S100A5: variants seen among roughly 807,000 people sequenced by gnomAD.
S100A5 encodes the protein S100 calcium binding protein A5.
A neutral mutation model predicts 6.7 loss-of-function variants in S100A5; 5 were observed. The observed-to-expected ratio is 0.75, with a 90% CI of 0.39 to 1.57. The LOEUF is 1.57. S100A5 is among the 40% of genes most tolerant of loss of function. S100A5 has a pLI of 0.03. For missense variants in S100A5, 129 were observed against 110.8 expected (o/e 1.16, Z -0.74); for synonymous variants, 49 against 44.9 (o/e 1.09, Z -0.37).
upstream of S100A5, chr1:153,541,238 C>T (rs1265551271): frequency 1.9e-6 from 1 of 527,838 alleles, no homozygotes; most frequent in African/African-American, 2.0e-5. Flanking sequence ...CAAGAAATTC[C>T]AAAGGCTCTG....
chr1:153,542,500 G>C (rs1451686184), upstream of S100A5, among the ~76,000 whole-genome samples: 1 of 152,202 alleles, frequency 6.6e-6, no homozygotes, highest in East Asian at 1.9e-4. Flanking sequence ...CCAAGTCTCT[G>C]TATTCAAACC....
At chr1:153,541,710 TA>T (rs1347227963), upstream of S100A5, 1 of 1,145,552 alleles carries the variant, frequency 8.7e-7, no homozygotes, top group Non-Finnish European at 1.1e-6. Context: ...GATGGAACAA[TA>T]AGCCGAAGAA....
At position 153,540,148 on chromosome 1, in the gene S100A5, G is replaced by A. The variant is rs536784065; in HGVS notation, c.44C>T (p.Thr15Met). 4.2e-5 allele frequency: 67 copies of A among 1,614,110 alleles called. 1 individual carries two copies. In the Admixed American group the frequency reaches 5.5e-4, roughly 13 times the overall value. Residue 15 changes from threonine (T) to methionine (M), a missense_variant, in exon 2 of 3, where the codon ACG becomes ATG. By Grantham distance (81) the Thr-to-Met change is moderately conservative (BLOSUM62 -1). Coordinates refer to ENST00000368717, the MANE Select transcript of S100A5 (RefSeq NM_001394232.1). ...CTCTCTCCCCGAATATTTGTGAAAC[G>A]TGGTCACCATAGTGGTCAGGGCCTT... Reference protein sequence around the residue: ...LEKALTTMVTTFHKYSGREGS... With the variant: ...LEKALTTMVTMFHKYSGREGS...
upstream of S100A5, among the ~76,000 whole-genome samples, chr1:153,541,183 A>G (rs1351191599): frequency 6.6e-6 from 1 of 152,178 alleles, no homozygotes; most frequent in Non-Finnish European, 1.5e-5. Context: ...CTGCAGGAGC[A>G]TCCTGGCTAG....
chr1:153,542,053 G>T (rs1665407692), upstream of S100A5, among the ~76,000 whole-genome samples: 1 of 152,248 alleles, frequency 6.6e-6, no homozygotes, highest in South Asian at 2.1e-4. Flanking sequence ...AATAGGGAAG[G>T]TGTCCAGCGA....
Position 153,540,874 on chromosome 1 carries a change from G to A in S100A5, c.-268C>T, listed in dbSNP as rs968490957. Among the ~76,000 whole-genome samples, 3 of 152,116 alleles carry A rather than the reference G, an allele frequency of 2.0e-5. No homozygotes were observed. The highest frequency in any genetic ancestry group is 7.2e-5 in the African/African-American group (3 of 41,398). ...TCCAAAACCTGGATCCAGAGGCTAC[G>A]CTTGAATAAGGGCCTGGATTCCAAT... On this transcript the variant is annotated 5_prime_UTR_variant, in exon 1 of 3. Transcript: ENST00000368717.
At chr1:153,542,622 C>A (rs903975865), upstream of S100A5, among the ~76,000 whole-genome samples, 1 of 152,148 alleles carries the variant, frequency 6.6e-6, no homozygotes, top group Non-Finnish European at 1.5e-5. Flanking sequence ...CAAAGCCCTC[C>A]AGCCTCTGCA....
At chr1:153,542,564 C>T (rs1316203758), upstream of S100A5, among the ~76,000 whole-genome samples, 1 of 152,132 alleles carries the variant, frequency 6.6e-6, no homozygotes, top group Non-Finnish European at 1.5e-5. Context: ...GAGAGAAAAG[C>T]CCCATGTGAT....
Position 153,540,048 on chromosome 1 carries a change from A to G in S100A5, c.138+6T>C. On this transcript the variant is annotated splice_donor_region_variant and intron_variant, in intron 2 of 2. Coordinates refer to ENST00000368717, the MANE Select transcript of S100A5 (RefSeq NM_001394232.1). ...TGGGGTGGAGGATGAGGGAACAATC[A>G]CCTACCTCCCCAAGACACAGCTCTT... The G allele has an allele frequency of 3.1e-6, 5 of 1,613,776 alleles. No homozygotes were observed. The highest frequency in any genetic ancestry group is 4.2e-6 in the Non-Finnish European group (5 of 1,179,842).
At position 153,537,425 on chromosome 1, in the gene S100A5, G is replaced by A; in HGVS notation, c.150C>T (p.Ser50=). The A allele has an allele frequency of 1.2e-6, 2 of 1,614,082 alleles. No individual in the cohort carries two copies. The highest frequency in any genetic ancestry group is 1.7e-6 in the Non-Finnish European group (2 of 1,179,976). The change falls in exon 3 of 3, where the codon AGC becomes AGT. Residue 50 remains serine (S), a synonymous_variant. Coordinates refer to ENST00000368717, the MANE Select transcript of S100A5 (RefSeq NM_001394232.1). ...GGCTCTTCATCAAGTCATCGATGCT[G>A]CTCTCCTTCATCTTTTGTGGACCCA... is the stretch of plus-strand genomic sequence containing the variant. The part of the protein sequence containing the change: ...KELCLGEMKE[S]SIDDLMKSLD...
At position 153,537,438 on chromosome 1, in the gene S100A5, T is replaced by C; in HGVS notation, c.139-2A>G. The C allele has an allele frequency of 1.9e-6, 3 of 1,614,014 alleles. No homozygotes were observed. The highest frequency in any genetic ancestry group is 2.5e-6 in the Non-Finnish European group (3 of 1,179,952). On this transcript the variant is annotated splice_acceptor_variant, in intron 2 of 2. Coordinates refer to ENST00000368717, the MANE Select transcript of S100A5 (RefSeq NM_001394232.1). LOFTEE classifies it high-confidence loss of function. The stretch of plus-strand genomic sequence containing the variant: ...GTCATCGATGCTGCTCTCCTTCATC[T>C]TTTGTGGACCCAGGTGGAGAGACAG...
At chr1:153,539,941 A>T in intron 2 of S100A5, 113 bp downstream of exon 2, 1 of 1,262,680 alleles carries the variant, frequency 7.9e-7, no homozygotes, top group Middle Eastern at 2.1e-4. Context: ...CTCTGTCTGT[A>T]GCCCTTGGCC....
At chr1:153,541,409 T>A, upstream of S100A5, 6 of 1,367,790 alleles carry the variant, frequency 4.4e-6, no homozygotes, top group Non-Finnish European at 5.9e-6. Flanking sequence ...GCCCAGAGAA[T>A]CCAAGCAGCA....
chr1:153,543,438 A>G (rs1665450772), upstream of S100A5, among the ~76,000 whole-genome samples: 1 of 152,044 alleles, frequency 6.6e-6, no homozygotes, highest in South Asian at 2.1e-4. Context: ...GGCTTTGACC[A>G]CACCGAGTGA....
chr1:153,537,961 C>T (rs767951130), intron 2 of S100A5, among the ~76,000 whole-genome samples: 2 of 151,938 alleles, frequency 1.3e-5, no homozygotes, highest in South Asian at 2.1e-4. Context: ...GCAGGAGAAT[C>T]GCTTGAACTT....
upstream of S100A5, chr1:153,543,571 T>A: frequency 1.6e-6 from 1 of 636,414 alleles, no homozygotes; most frequent in Non-Finnish European, 2.7e-6. Flanking sequence ...CCACAACATA[T>A]CCCTCAGTCC....
upstream of S100A5, among the ~76,000 whole-genome samples, chr1:153,542,479 T>C (rs974145505): frequency 6.6e-6 from 1 of 152,196 alleles, no homozygotes; most frequent in African/African-American, 2.4e-5. Flanking sequence ...TCTCCTGAAC[T>C]GAAATTCCTC....
At chr1:153,538,032 A>G (rs1433410486) in intron 2 of S100A5, among the ~76,000 whole-genome samples, 2 of 151,750 alleles carry the variant, frequency 1.3e-5, no homozygotes, top group Non-Finnish European at 2.9e-5. Flanking sequence ...GGCAACAAGA[A>G]TGAAACTCCT....
At chr1:153,541,757 A>G, upstream of S100A5, 2 of 1,110,892 alleles carry the variant, frequency 1.8e-6, no homozygotes, top group Non-Finnish European at 2.2e-6. Context: ...AAACCTCAGA[A>G]GTGTGGGACA....
Sources: gnomAD v4.1 joint callset for allele counts (sites outside exome capture counted in the v4.1 genomes callset) on GRCh38, gnomAD v4.1.1 for gene constraint, MANE v1.5 for transcripts, NCBI Gene and HGNC (gene_info 2026-07-23, HGNC 2026-07-21) for gene names.